Variants in ROBO2 observed in about 807,000 individuals in gnomAD.
ROBO2 encodes the protein roundabout homolog 2.
Under a neutral mutation model 160.8 loss-of-function variants are expected in ROBO2, and 53 were observed. That is an observed-to-expected ratio of 0.33 (90% confidence interval 0.26 to 0.41). ROBO2 has a LOEUF of 0.41. Among genes scored for constraint, ROBO2 ranks in the 10% least tolerant of loss-of-function variants. The pLI is 1.00. For synonymous variants in ROBO2, 664 were observed against 611.7 expected (o/e 1.09, Z -1.26); for missense variants, 1,577 against 1,722.4 (o/e 0.92, Z 1.49).
intron 2 of ROBO2, among the ~76,000 whole-genome samples, chr3:77,438,655 T>G (rs1008231687): frequency 6.6e-6 from 1 of 151,870 alleles, no homozygotes; most frequent in South Asian, 2.1e-4. Context: ...ATCAAGCATA[T>G]TATATATGTG....
intron 2 of ROBO2, among the ~76,000 whole-genome samples, chr3:76,492,383 T>C (rs1173830292): frequency 2.0e-5 from 3 of 152,160 alleles, no homozygotes; most frequent in Non-Finnish European, 4.4e-5. Flanking sequence ...CTTTTGACCA[T>C]GCATGTTCTC....
chr3:77,294,153 A>C (rs1389644603), intron 2 of ROBO2, among the ~76,000 whole-genome samples: 1 of 144,606 alleles, frequency 6.9e-6, no homozygotes, highest in Non-Finnish European at 1.5e-5. Context: ...ATTGATGGTT[A>C]AACGGGTAAG....
At chr3:76,020,951 C>T (rs1381840879) in intron 2 of ROBO2, among the ~76,000 whole-genome samples, 1 of 151,728 alleles carries the variant, frequency 6.6e-6, no homozygotes, top group Non-Finnish European at 1.5e-5. Context: ...ACTAATAATT[C>T]CTATATACCT....
At chr3:76,125,590 A>G (rs1462235105) in intron 2 of ROBO2, among the ~76,000 whole-genome samples, 2 of 151,888 alleles carry the variant, frequency 1.3e-5, no homozygotes, top group Non-Finnish European at 2.9e-5. Flanking sequence ...CATTTCTCTG[A>G]TAATTAGTGA....
rs187503746 is a variant in ROBO2, at chr3:76,007,103, T to G, written c.109+69501T>G. Reference sequence around the variant, plus strand: ...TACATGAAGTATGTCAAATGATGAGTTCAGTATAACATTTTTATCTGCATT... The same window carrying G: ...TACATGAAGTATGTCAAATGATGAGGTCAGTATAACATTTTTATCTGCATT... On this transcript the variant is annotated intron_variant, in intron 2 of 26. Transcript: ENST00000487694. Among the ~76,000 whole-genome samples the G allele has an allele frequency of 3.3e-3, 495 of 152,240 alleles. 4 individuals carry two copies. Among genetic ancestry groups the G allele is most frequent in the African/African-American group, 0.012 (482 of 41,568 alleles).
At position 76,994,149 on chromosome 3, in the gene ROBO2, T is replaced by C. The variant is rs12488413; in HGVS notation, c.110-103865T>C. 6.6e-3 allele frequency among the ~76,000 whole-genome samples: 1,002 copies of C among 152,174 alleles called. 53 individuals are homozygous for C. The highest frequency in any genetic ancestry group is 0.052 in the Admixed American group (796 of 15,264). ...GAGTGCACAAGGCTATCTGCATATA[T>C]TGTTAAATGTTAGCTTTGAACAACC... is the stretch of plus-strand genomic sequence containing the variant. On this transcript the variant is annotated intron_variant, in intron 2 of 26. Coordinates refer to the ROBO2 transcript ENST00000487694.
chr3:77,303,062 C>T (rs188725947), intron 2 of ROBO2, among the ~76,000 whole-genome samples: 93 of 152,202 alleles, frequency 6.1e-4, no homozygotes, highest in African/African-American at 2.0e-3. Context: ...CTTCCATAGA[C>T]GGATTTCATG....
chr3:76,092,560 A>G (rs1411661778), intron 2 of ROBO2, among the ~76,000 whole-genome samples: 1 of 152,136 alleles, frequency 6.6e-6, no homozygotes, highest in Non-Finnish European at 1.5e-5. Flanking sequence ...TCTCTTCTCT[A>G]CTAGGATCTG....
At chr3:75,942,596 A>T (rs1455805192) in intron 2 of ROBO2, among the ~76,000 whole-genome samples, 10 of 152,146 alleles carry the variant, frequency 6.6e-5, no homozygotes, top group Admixed American at 2.0e-4. Flanking sequence ...CAAATATTCA[A>T]CACATAAAAC....
chr3:76,871,578 A>G (rs1179264670), intron 2 of ROBO2, among the ~76,000 whole-genome samples: 1 of 151,986 alleles, frequency 6.6e-6, no homozygotes, highest in Non-Finnish European at 1.5e-5. Flanking sequence ...AAAGAAAAAG[A>G]AAAATACCTC....
intron 2 of ROBO2, chr3:76,434,066 C>A: frequency 7.6e-7 from 1 of 1,311,876 alleles, no homozygotes; most frequent in Non-Finnish European, 1.1e-6. Flanking sequence ...GGCAGTGGGC[C>A]TCCTGGAGGC....
intron 2 of ROBO2, among the ~76,000 whole-genome samples, chr3:76,380,825 T>C (rs1034081453): frequency 1.3e-5 from 2 of 152,092 alleles, no homozygotes; most frequent in African/African-American, 4.8e-5. Context: ...GAAAGTAAGA[T>C]ATATGAAGAA....
intron 2 of ROBO2, among the ~76,000 whole-genome samples, chr3:76,893,715 T>C (rs1409054125): frequency 2.6e-5 from 4 of 152,082 alleles, no homozygotes; most frequent in African/African-American, 9.7e-5. Flanking sequence ...ATACAATACA[T>C]TATTGTTAAG....
intron 2 of ROBO2, among the ~76,000 whole-genome samples, chr3:76,273,015 TTATATATAA>T (rs1707666021): frequency 1.1e-5 from 1 of 91,988 alleles, no homozygotes; most frequent in South Asian, 2.7e-4. Context: ...TAAAAATATA[TTATATATAA>T]TATATATTTA....
chr3:77,522,312 C>A (rs866800967), intron 5 of ROBO2, among the ~76,000 whole-genome samples: 7 of 151,184 alleles, frequency 4.6e-5, no homozygotes, highest in African/African-American at 1.7e-4. Flanking sequence ...CCCATTTTGT[C>A]AATTTGCCAA....
intron 2 of ROBO2, among the ~76,000 whole-genome samples, chr3:77,256,786 T>G (rs1406081458): frequency 2.0e-5 from 3 of 152,212 alleles, no homozygotes; most frequent in African/African-American, 7.2e-5. Context: ...AGTGTCTGAG[T>G]AAGCCAGCCG....
At chr3:76,189,514 T>C (rs2107167446) in intron 2 of ROBO2, among the ~76,000 whole-genome samples, 1 of 152,196 alleles carries the variant, frequency 6.6e-6, no homozygotes, top group East Asian at 1.9e-4. Flanking sequence ...ATGTTCCCTA[T>C]TAGATTTTAA....
chr3:77,154,137 T>A (rs2077771670), intron 2 of ROBO2, among the ~76,000 whole-genome samples: 1 of 151,862 alleles, frequency 6.6e-6, no homozygotes, highest in Non-Finnish European at 1.5e-5. Flanking sequence ...AAAAAACTTG[T>A]GAGAACATAA....
chr3:76,354,891 A>G (rs942006252), intron 2 of ROBO2, among the ~76,000 whole-genome samples: 90 of 151,968 alleles, frequency 5.9e-4, no homozygotes, highest in African/African-American at 2.0e-3. Flanking sequence ...ATGTTTCTCC[A>G]TTTATTCATT....
Sources: gnomAD v4.1 joint callset for allele counts (sites outside exome capture counted in the v4.1 genomes callset) on GRCh38, gnomAD v4.1.1 for gene constraint, MANE v1.5 for transcripts, NCBI Gene and HGNC (gene_info 2026-07-23, HGNC 2026-07-21) for gene names.